PRH1: variants seen among roughly 807,000 people sequenced by gnomAD.
PRH1 encodes the protein proline rich protein HaeIII subfamily 1.
PRH1 carries 7 observed loss-of-function variants against 7.9 expected under a neutral mutation model. That is an observed-to-expected ratio of 0.89 (90% CI 0.50 to 1.67). The LOEUF (loss-of-function observed/expected upper bound fraction) is 1.67, where lower values mean the gene tolerates loss of function less well. Among genes scored for constraint, PRH1 ranks in the 40% most tolerant of loss-of-function variants. The pLI is 0.00. For synonymous variants in PRH1, 45 were observed against 80.8 expected, an observed-to-expected ratio of 0.56 and a Z score of 2.38; for missense variants, 109 against 223.6, an observed-to-expected ratio of 0.49 and a Z score of 3.27.
chr12:10,992,711 C>A (rs1316329353), intron 1 of PRH1, among the ~76,000 whole-genome samples: 1 of 152,164 alleles, frequency 6.6e-6, no homozygotes, highest in Non-Finnish European at 1.5e-5. Flanking sequence ...CCTCACCAGT[C>A]CTGGAGTATG....
chr12:11,048,481 A>C (rs1027347634), upstream of PRH1: 2 of 413,274 alleles, frequency 4.8e-6, no homozygotes, highest in Non-Finnish European at 9.3e-6. Context: ...CAGGAATACA[A>C]GTTTGCTCTG....
At chr12:10,989,745 T>C (rs1336080341) in intron 1 of PRH1, among the ~76,000 whole-genome samples, 2 of 152,214 alleles carry the variant, frequency 1.3e-5, no homozygotes, top group Admixed American at 6.5e-5. Flanking sequence ...CTAAAAAATA[T>C]TCTTTTGAAT....
chr12:11,018,822 C>G (rs973298297), intron 1 of PRH1, among the ~76,000 whole-genome samples: 2 of 152,272 alleles, frequency 1.3e-5, no homozygotes, highest in African/African-American at 4.8e-5. Flanking sequence ...TGAGGGCATA[C>G]TTTTGTCTGC....
At chr12:11,042,654 GAGT>G in intron 1 of PRH1, among the ~76,000 whole-genome samples, 1 of 82,604 alleles carries the variant, frequency 1.2e-5, no homozygotes, top group African/African-American at 5.3e-5. Context: ...TTTTGAGGCA[GAGT>G]CTCACTCTGT....
chr12:10,953,097 G>C (rs1366945885), intron 2 of PRH1, among the ~76,000 whole-genome samples: 2 of 151,538 alleles, frequency 1.3e-5, no homozygotes, highest in South Asian at 2.1e-4. Context: ...AAACCCCAAA[G>C]TGTGTCAAAG....
chr12:11,141,527 C>A lies in PRH1; in HGVS notation n.40-20347G>T, dbSNP rs1279259282. ...GGATTTTGGAGTCAGACTGCCAAGA[C>A]AGGAAACCAGATTTTCTGCTTCATA... On this transcript the variant is annotated intron_variant and non_coding_transcript_variant, in intron 1 of 1. Transcript: ENST00000541175. 1.4e-4 allele frequency among the ~76,000 whole-genome samples: 21 copies of A among 152,250 alleles called. 1 individual carries two copies. Among genetic ancestry groups the A allele is most frequent in the South Asian group, 1.0e-3 (5 of 4,830 alleles).
chr12:11,021,494 C>T lies in PRH1; in HGVS notation c.-126+25526G>A, dbSNP rs1327660053. ...ATTCACACACATGCACACATATACACCCATAAATATATATATGACTTTTCT... is the reference window on the plus strand; with the variant it reads ...ATTCACACACATGCACACATATACATCCATAAATATATATATGACTTTTCT... On this transcript the variant is annotated intron_variant, in intron 1 of 3. Transcript: ENST00000539853. 7.5e-6 allele frequency: 4 copies of T among 535,946 alleles called. No individual in the cohort carries two copies. In the South Asian group the frequency reaches 9.7e-5, roughly 13 times the overall value. 33.2% of individuals were successfully genotyped at this position (535,946 alleles called of 1,614,324 possible).
At chr12:11,072,301 T>C (rs1362840132) in intron 1 of PRH1, among the ~76,000 whole-genome samples, 2 of 152,110 alleles carry the variant, frequency 1.3e-5, no homozygotes, top group African/African-American at 4.8e-5. Flanking sequence ...CTGGGAGTTT[T>C]TGAAGGTCAG....
intron 1 of PRH1, among the ~76,000 whole-genome samples, chr12:11,020,422 A>G (rs1941559795): frequency 6.8e-6 from 1 of 147,636 alleles, no homozygotes; most frequent in African/African-American, 2.5e-5. Context: ...ATACATAGAT[A>G]TATATATGAT....
chr12:11,164,181 T>C (rs545198183), intron 1 of PRH1, among the ~76,000 whole-genome samples: 1 of 152,188 alleles, frequency 6.6e-6, no homozygotes, highest in African/African-American at 2.4e-5. Flanking sequence ...GAGATGAGCA[T>C]TGGAATCTGT....
chr12:11,142,248 C>T (rs1379765825), intron 1 of PRH1, among the ~76,000 whole-genome samples: 2 of 152,182 alleles, frequency 1.3e-5, no homozygotes, highest in Non-Finnish European at 2.9e-5. Context: ...AAATTCAGCA[C>T]AAGGAGAGTC....
At chr12:11,078,635 G>T (rs1944392781) in intron 1 of PRH1, 1 of 151,828 alleles carries the variant, frequency 6.6e-6, no homozygotes, top group African/African-American at 2.4e-5. Flanking sequence ...TCCATAATTT[G>T]AATCCAGCAT....
intron 1 of PRH1, among the ~76,000 whole-genome samples, chr12:11,139,591 T>TACTGTTG (rs774196245): frequency 3.7e-4 from 57 of 152,368 alleles, no homozygotes; most frequent in Non-Finnish European, 6.8e-4. Flanking sequence ...TGTTGTATTA[T>TACTGTTG]ACTGTTGTAA....
intron 1 of PRH1, among the ~76,000 whole-genome samples, chr12:11,125,044 T>C (rs1371182243): frequency 6.6e-6 from 1 of 152,184 alleles, no homozygotes; most frequent in Non-Finnish European, 1.5e-5. Flanking sequence ...GTTTTCACTA[T>C]ATTGGCCAGG....
At chr12:11,006,831 G>A (rs1940854769) in intron 1 of PRH1, among the ~76,000 whole-genome samples, 1 of 151,998 alleles carries the variant, frequency 6.6e-6, no homozygotes, top group Non-Finnish European at 1.5e-5. Flanking sequence ...CTGCATTTAT[G>A]GAAAATTTTC....
At chr12:10,982,909 T>A (rs998813406) in intron 1 of PRH1, among the ~76,000 whole-genome samples, 2 of 151,522 alleles carry the variant, frequency 1.3e-5, no homozygotes, top group African/African-American at 4.8e-5. Context: ...TACAGTTTTA[T>A]GGGGGCTTAT....
chr12:11,086,300 T>C (rs77221621), intron 1 of PRH1, among the ~76,000 whole-genome samples: 49,725 of 108,590 alleles, frequency 0.46, 7,805 homozygotes, highest in Non-Finnish European at 0.55. Context: ...AATGAAAATA[T>C]TCAGCAATTT....
intron 2 of PRH1, among the ~76,000 whole-genome samples, chr12:10,961,976 C>T (rs1444415176): frequency 6.6e-6 from 1 of 152,174 alleles, no homozygotes; most frequent in Admixed American, 6.5e-5. Context: ...CAATACATCC[C>T]AACACGTTCT....
At chr12:10,890,052 A>G (rs1410347839) in intron 2 of PRH1, among the ~76,000 whole-genome samples, 1 of 151,888 alleles carries the variant, frequency 6.6e-6, no homozygotes, top group Non-Finnish European at 1.5e-5. Flanking sequence ...ATTTTTTGTG[A>G]GTTGTTTTGA....
Sources: allele counts gnomAD v4.1 joint callset (sites outside exome capture counted in the v4.1 genomes callset), GRCh38; gene constraint gnomAD v4.1.1; transcripts MANE v1.5; gene names NCBI Gene and HGNC (gene_info 2026-07-23, HGNC 2026-07-21).